The following CEMIP variants were observed in gnomAD, a reference collection of about 807,000 sequenced individuals.
The protein encoded by CEMIP is cell migration inducing hyaluronidase 1.
In CEMIP, 105 loss-of-function variants were observed where a neutral mutation model predicts 156.9. That is an observed-to-expected ratio of 0.67 (90% CI 0.57 to 0.79). The LOEUF (loss-of-function observed/expected upper bound fraction) is 0.79, where lower values mean the gene tolerates loss of function less well. CEMIP is among the 30% of genes least tolerant of loss of function. The probability of loss-of-function intolerance (pLI) is 0.00; values close to 1 mark genes in which losing one functional copy is unlikely to be tolerated. For missense variants in CEMIP, 1,457 were observed against 1,769.4 expected, an observed-to-expected ratio of 0.82 and a Z score of 3.17; for synonymous variants, 676 against 668.4, an observed-to-expected ratio of 1.01 and a Z score of -0.17.
chr15:80,886,750 G>T (rs1022856937), intron 7 of CEMIP, among the ~76,000 whole-genome samples: 1 of 152,222 alleles, frequency 6.6e-6, no homozygotes, highest in Non-Finnish European at 1.5e-5. Context: ...TGATGAAGTG[G>T]AGAGCTGTGG....
At chr15:80,934,051 G>A (rs1323341039) in intron 23 of CEMIP, among the ~76,000 whole-genome samples, 1 of 152,112 alleles carries the variant, frequency 6.6e-6, no homozygotes, top group Non-Finnish European at 1.5e-5. Context: ...AAAGTCTACT[G>A]TGTATTTTAC....
At chr15:80,879,293 A>T (rs1898566194) in intron 4 of CEMIP, among the ~76,000 whole-genome samples, 1 of 152,210 alleles carries the variant, frequency 6.6e-6, no homozygotes, top group African/African-American at 2.4e-5. Flanking sequence ...AATATTCCAA[A>T]TAATTTGCAC....
intron 1 of CEMIP, among the ~76,000 whole-genome samples, chr15:80,872,429 G>C (rs191071733): frequency 6.7e-6 from 1 of 149,786 alleles, no homozygotes; most frequent in Admixed American, 6.6e-5. Flanking sequence ...CCTTTATTAA[G>C]TTCCTGTCTG....
rs531292676 is a variant in CEMIP, at chr15:80,887,736, T to C, written c.840T>C (p.Ser280=). The C allele has an allele frequency of 1.6e-5, 26 of 1,613,632 alleles. 1 individual carries two copies. The South Asian group carries it at 2.9e-4, about 18-fold the overall frequency. The change falls in exon 8 of 30, where the codon TCT becomes TCC. Residue 280 remains serine, a synonymous_variant. Coordinates refer to ENST00000394685, the MANE Select transcript of CEMIP (RefSeq NM_001293298.2). ...SFLTVKGNPS[S]SVEDHIEYHG... ...TAACTGTGAAAGGAAATCCATCATCTTCAGTGGAAGACCATATTGAATATC... is the reference window on the plus strand; with the variant it reads ...TAACTGTGAAAGGAAATCCATCATCCTCAGTGGAAGACCATATTGAATATC...
At chr15:80,909,438 G>C (rs1196114729) in intron 14 of CEMIP, 132 bp downstream of exon 14, 1 of 908,010 alleles carries the variant, frequency 1.1e-6, no homozygotes, top group African/African-American at 1.6e-5. Flanking sequence ...GTTTCAGAAA[G>C]ATATCAACTG....
intron 1 of CEMIP, among the ~76,000 whole-genome samples, chr15:80,871,401 A>G (rs891240989): frequency 2.0e-5 from 3 of 152,182 alleles, no homozygotes; most frequent in African/African-American, 7.2e-5. Context: ...TTATTTTTGT[A>G]TTTATCCAGA....
intron 1 of CEMIP, among the ~76,000 whole-genome samples, chr15:80,785,915 A>C (rs1323596350): frequency 6.6e-6 from 1 of 152,288 alleles, no homozygotes; most frequent in East Asian, 1.9e-4. Flanking sequence ...GGCGCAAGAG[A>C]GTGCTTCTGA....
At position 80,840,777 on chromosome 15, in the gene CEMIP, G is replaced by T. The variant is rs144311819; in HGVS notation, c.-175-32761G>T. ...GCCGCCTGAGAGGGAGTCCTAGGGG[G>T]TCCAGGACAGGAAGCCAGCGGTGTT... On this transcript the variant is annotated intron_variant, in intron 1 of 29. Coordinates refer to ENST00000394685, the MANE Select transcript of CEMIP (RefSeq NM_001293298.2). 4.5e-4 allele frequency among the ~76,000 whole-genome samples: 69 copies of T among 152,306 alleles called. No individual in the cohort carries two copies. In the East Asian group the frequency reaches 0.013, roughly 29 times the overall value.
intron 7 of CEMIP, among the ~76,000 whole-genome samples, 192 bp from the exon 8 acceptor site, chr15:80,887,502 G>C (rs116275713): frequency 2.3e-3 from 348 of 152,310 alleles, no homozygotes; most frequent in African/African-American, 8.1e-3. Flanking sequence ...AGAAAGCCCA[G>C]AGGAGTGCTT....
chr15:80,802,893 C>T (rs567509080), intron 1 of CEMIP, among the ~76,000 whole-genome samples: 4 of 152,286 alleles, frequency 2.6e-5, no homozygotes, highest in South Asian at 4.1e-4. Flanking sequence ...ATGGTGAGGA[C>T]GAACTGGGAT....
intron 14 of CEMIP, among the ~76,000 whole-genome samples, chr15:80,910,715 C>T (rs1023708916): frequency 6.6e-6 from 1 of 152,168 alleles, no homozygotes; most frequent in Admixed American, 6.5e-5. Context: ...CTCTCTGAAC[C>T]TCAGTTTCCT....
chr15:80,783,806 G>T (rs1264915898), intron 1 of CEMIP, among the ~76,000 whole-genome samples: 1 of 152,192 alleles, frequency 6.6e-6, no homozygotes, highest in Non-Finnish European at 1.5e-5. Flanking sequence ...TTCAAGCTTG[G>T]TTCTTCAGAA....
At chr15:80,934,982 A>G (rs943420271) in intron 23 of CEMIP, among the ~76,000 whole-genome samples, 2 of 152,198 alleles carry the variant, frequency 1.3e-5, no homozygotes, top group Non-Finnish European at 2.9e-5. Context: ...AAGCTTGTGG[A>G]AGGAGTGCCT....
chr15:80,895,101 C>G lies in CEMIP; in HGVS notation c.1198C>G (p.Arg400Gly), dbSNP rs1259963258. The change falls in exon 11 of 30, where the codon CGG (arginine) becomes GGG (glycine). Residue 400 changes from arginine to glycine, a missense_variant. By Grantham distance (125) the Arg-to-Gly change is moderately radical. Around this residue, in one of 5 missense-constraint regions of CEMIP, gnomAD observed 280 missense variants for 300.3 expected, o/e 0.93. Transcript: ENST00000394685. ...RGRACRSYRV[R>G]FLCGKPVRPK... Reference sequence around the variant, plus strand: ...CAGAGCCTGCCGGAGCTACCGTGTACGGTTCCTCTGTGGGAAGCCTGGTAA... The same window carrying G: ...CAGAGCCTGCCGGAGCTACCGTGTAGGGTTCCTCTGTGGGAAGCCTGGTAA... The G allele has an allele frequency of 1.9e-6, 3 of 1,614,182 alleles. No individual in the cohort carries two copies. The highest frequency in any genetic ancestry group is 2.5e-6 in the Non-Finnish European group (3 of 1,180,008).
At chr15:80,801,756 G>A (rs1377500978) in intron 1 of CEMIP, among the ~76,000 whole-genome samples, 2 of 152,196 alleles carry the variant, frequency 1.3e-5, no homozygotes. Context: ...CTTCCATACT[G>A]TGGGTTCCAT....
At chr15:80,814,088 T>C (rs1896734499) in intron 1 of CEMIP, among the ~76,000 whole-genome samples, 1 of 143,784 alleles carries the variant, frequency 7.0e-6, no homozygotes, top group Non-Finnish European at 1.5e-5. Context: ...TCTCCCTCTG[T>C]TGCCCAGGCT....
chr15:80,834,454 T>A (rs1484674091), intron 1 of CEMIP, among the ~76,000 whole-genome samples: 1 of 152,260 alleles, frequency 6.6e-6, no homozygotes, highest in East Asian at 1.9e-4. Flanking sequence ...GATTGACTTT[T>A]TGCATGGCCA....
At chr15:80,826,560 G>A (rs551778965) in intron 1 of CEMIP, among the ~76,000 whole-genome samples, 1 of 152,342 alleles carries the variant, frequency 6.6e-6, no homozygotes, top group African/African-American at 2.4e-5. Context: ...AGAGAACTAA[G>A]ACCTGAACTT....
intron 29 of CEMIP, 122 bp downstream of exon 29, chr15:80,947,187 C>A: frequency 1.5e-6 from 1 of 676,260 alleles, no homozygotes; most frequent in Non-Finnish European, 2.7e-6. Context: ...GTGGGTACAA[C>A]CTAAGAATCC....
Sources: allele counts gnomAD v4.1 joint callset (sites outside exome capture counted in the v4.1 genomes callset), GRCh38; gene constraint gnomAD v4.1.1; regional missense constraint gnomAD v4.1.1; transcripts MANE v1.5; gene names NCBI Gene and HGNC (gene_info 2026-07-23, HGNC 2026-07-21).